NIPAL3: variants seen among roughly 807,000 people sequenced by gnomAD.
NIPAL3 encodes the protein NIPA-like protein 3.
In NIPAL3, 41 loss-of-function variants were observed where a neutral mutation model predicts 47.2. The ratio of observed to expected loss-of-function variants is 0.87; its 90% CI spans 0.68 to 1.13. NIPAL3 has a LOEUF of 1.13. NIPAL3 is among the 50% of genes most tolerant of loss of function. The pLI, the probability that NIPAL3 is intolerant of heterozygous loss-of-function variation, is 0.00. For synonymous variants in NIPAL3, 194 were observed against 209.6 expected, an observed-to-expected ratio of 0.93 and a Z score of 0.64; for missense variants, 449 against 530.1, an observed-to-expected ratio of 0.85 and a Z score of 1.50.
chr1:24,445,730 C>T lies in NIPAL3; in HGVS notation c.394+486C>T, dbSNP rs550706231. Among the ~76,000 whole-genome samples, 55 of 152,270 alleles carry T rather than the reference C, an allele frequency of 3.6e-4. 1 individual carries two copies. Among genetic ancestry groups the T allele is most frequent in the African/African-American group, 1.1e-3 (46 of 41,560 alleles). On this transcript the variant is annotated intron_variant, in intron 5 of 11. Coordinates refer to ENST00000374399, the MANE Select transcript of NIPAL3 (RefSeq NM_020448.5). The stretch of plus-strand genomic sequence containing the variant: ...CTCCAGCTCCCAGTCAGACCTTGGG[C>T]GGGTCCCCCCAAGAAACACTTGGGT...
chr1:24,441,987 G>A (rs1645409741), intron 3 of NIPAL3, 68 bp from the exon 4 acceptor site: 7 of 1,525,176 alleles, frequency 4.6e-6, no homozygotes, highest in Non-Finnish European at 6.3e-6. Flanking sequence ...GTGGATTTAG[G>A]GTACCTACAT....
intron 7 of NIPAL3, chr1:24,453,964 G>C (rs1418559529): frequency 4.6e-6 from 2 of 439,526 alleles, no homozygotes; most frequent in Non-Finnish European, 8.9e-6. Context: ...TCCTTTTAGA[G>C]GGATGGGTGC....
At chr1:24,433,738 T>G (rs1644980463) in intron 2 of NIPAL3, among the ~76,000 whole-genome samples, 1 of 152,190 alleles carries the variant, frequency 6.6e-6, no homozygotes, top group African/African-American at 2.4e-5. Flanking sequence ...AAGGCAGAAT[T>G]CTGTCTACCC....
chr1:24,444,944 T>C lies in NIPAL3; in HGVS notation c.335-241T>C, dbSNP rs191513175. 1.4e-3 allele frequency among the ~76,000 whole-genome samples: 211 copies of C among 152,324 alleles called. 2 individuals are homozygous for C. The highest frequency in any genetic ancestry group is 4.8e-3 in the African/African-American group (198 of 41,572). On this transcript the variant is annotated intron_variant, in intron 4 of 11. Transcript: ENST00000374399. ...CCAGAAATAACTTGTGTAAATTGCC[T>C]GTCACACAGCAGGTACTCAATGCTT...
chr1:24,471,515 A>G lies in NIPAL3; in HGVS notation c.*2330A>G. 6.7e-6 allele frequency: 1 copy of G among 149,788 alleles called. No homozygotes were observed. Among genetic ancestry groups the G allele is most frequent in the Non-Finnish European group, 1.5e-5 (1 of 67,866 alleles). 9.3% of individuals were successfully genotyped at this position (149,788 alleles called of 1,614,324 possible). A position where few individuals can be genotyped will look rare whatever the true frequency, so the allele number is the denominator to read the frequency against. ...AGGATCGCTAGAGCCCAGAGAGCCA[A>G]GGCTACAGTGAGCCATGATCATGCT... On this transcript the variant is annotated 3_prime_UTR_variant, in exon 12 of 12. Transcript: ENST00000374399.
chr1:24,456,217 C>A lies in NIPAL3; in HGVS notation c.717C>A (p.Tyr239Ter), dbSNP rs750206190. 6.2e-7 allele frequency: 1 copy of A among 1,614,216 alleles called. No individual in the cohort carries two copies. Among genetic ancestry groups the A allele is most frequent in the Non-Finnish European group, 8.5e-7 (1 of 1,180,030 alleles). ...LSIQGNLQLD[Y>*]PIFYVMFVCM... is the part of the protein sequence containing the mutation. The stretch of plus-strand genomic sequence containing the variant: ...TTCAAGGGAACCTGCAGCTTGACTA[C>A]CCCATCTTCTACGTGATGTTCGTGT... The change falls in exon 8 of 12, where the codon TAC becomes TAA. Residue 239 changes from tyrosine to a stop codon, truncating the protein, a stop_gained. Coordinates refer to ENST00000374399, the MANE Select transcript of NIPAL3 (RefSeq NM_020448.5). LOFTEE classifies it high-confidence loss of function.
At chr1:24,468,945 C>T (rs1314525434) in intron 11 of NIPAL3, 41 bp from the exon 12 acceptor site, 1 of 1,599,152 alleles carries the variant, frequency 6.3e-7, no homozygotes, top group Non-Finnish European at 8.6e-7. Context: ...CCTTGGCCCC[C>T]TTACCGCGTA....
chr1:24,467,307 C>A (rs1459073128), intron 11 of NIPAL3, among the ~76,000 whole-genome samples: 5 of 147,110 alleles, frequency 3.4e-5, no homozygotes, highest in Non-Finnish European at 3.0e-5. Context: ...ACTAAAAATA[C>A]AAAAAAAAAA....
Position 24,470,220 on chromosome 1 carries a change from C to G in NIPAL3, c.*1035C>G, listed in dbSNP as rs1204692539. ...TATGTCTGGGAGAAGCAAGCATTCT[C>G]CAAAACAGGGCTGTTGCTTTCTTCC... On this transcript the variant is annotated 3_prime_UTR_variant, in exon 12 of 12. Coordinates refer to ENST00000374399, the MANE Select transcript of NIPAL3 (RefSeq NM_020448.5). 1 of 152,210 alleles carries G rather than the reference C, an allele frequency of 6.6e-6. No homozygotes were observed. The highest frequency in any genetic ancestry group is 1.5e-5 in the Non-Finnish European group (1 of 68,062). The allele number at this position is 152,210 out of a possible 1,614,324, so 9.4% of individuals were successfully genotyped here. A position where few individuals can be genotyped will look rare whatever the true frequency, so the allele number is the denominator to read the frequency against.
rs570772916 is a variant in NIPAL3, at chr1:24,444,754, T to TAA, written c.335-430_335-429insAA. The stretch of plus-strand genomic sequence containing the variant: ...CGGGGGAAATGTCAGAGGTGGGTGT[T>TAA]ACAGTGGAAGAAGTAAGAGCCTGGC... On this transcript the variant is annotated intron_variant, in intron 4 of 11. Coordinates refer to ENST00000374399, the MANE Select transcript of NIPAL3 (RefSeq NM_020448.5). Among the ~76,000 whole-genome samples the TAA allele has an allele frequency of 7.2e-5, 11 of 152,148 alleles. No homozygotes were observed. The East Asian group carries it at 2.1e-3, about 29-fold the overall frequency.
rs201235895 is a variant in NIPAL3 at position 24,441,942 on chromosome 1, CT to C, written c.163-112del. On this transcript the variant is annotated intron_variant, in intron 3 of 11. Transcript: ENST00000374399. ...CTCTGAGTCAGGACTCCACAAGAAC[CT>C]GACAAGTCTTCCCAATTTATTTGCA... 1.7e-3 allele frequency: 1,868 copies of C among 1,088,086 alleles called. 40 individuals carry two copies. The African/African-American group carries it at 0.026, about 15-fold the overall frequency. 67.4% of individuals were successfully genotyped at this position (1,088,086 alleles called of 1,614,324 possible).
At chr1:24,439,594 C>T (rs1645282360) in intron 2 of NIPAL3, among the ~76,000 whole-genome samples, 1 of 151,812 alleles carries the variant, frequency 6.6e-6, no homozygotes, top group Non-Finnish European at 1.5e-5. Context: ...TTATTTTTAT[C>T]TATATATATT....
chr1:24,443,146 T>C (rs899113691), intron 4 of NIPAL3, among the ~76,000 whole-genome samples: 2 of 152,150 alleles, frequency 1.3e-5, no homozygotes, highest in African/African-American at 4.8e-5. Context: ...CTGTAATCAC[T>C]GAACCAGTGT....
chr1:24,438,248 C>T (rs1276364148), intron 2 of NIPAL3, among the ~76,000 whole-genome samples: 2 of 152,230 alleles, frequency 1.3e-5, no homozygotes, highest in African/African-American at 4.8e-5. Context: ...TGTCTTGCTG[C>T]TCATCGGGTG....
intron 10 of NIPAL3, among the ~76,000 whole-genome samples, chr1:24,462,460 G>A (rs6688953): frequency 0.083 from 12,572 of 152,208 alleles, 545 homozygotes; most frequent in South Asian, 0.098. Flanking sequence ...TGGGTTCTAC[G>A]CAACAATTAA....
At chr1:24,446,229 T>G (rs866781204) in intron 5 of NIPAL3, among the ~76,000 whole-genome samples, 23 of 152,184 alleles carry the variant, frequency 1.5e-4, no homozygotes, top group South Asian at 2.1e-4. Flanking sequence ...TTTCCTAGAC[T>G]GATCAGGGTC....
chr1:24,421,651 T>A (rs1240802389), intron 2 of NIPAL3, among the ~76,000 whole-genome samples: 1 of 152,208 alleles, frequency 6.6e-6, no homozygotes, highest in Non-Finnish European at 1.5e-5. Flanking sequence ...ACACTAGCAC[T>A]ACACAGTAGG....
At position 24,446,373 on chromosome 1, in the gene NIPAL3, A is replaced by G. The variant is rs185137731; in HGVS notation, c.394+1129A>G. Among the ~76,000 whole-genome samples the G allele has an allele frequency of 6.5e-3, 983 of 152,160 alleles. 6 individuals carry two copies. Among genetic ancestry groups the G allele is most frequent in the Non-Finnish European group, 9.5e-3 (648 of 68,004 alleles). ...TGCTGCACAGATCATCCCATCACCT[A>G]GGTATTAAGCCCAGCATCCATTAGC... On this transcript the variant is annotated intron_variant, in intron 5 of 11. Transcript: ENST00000374399.
In NIPAL3 at chr1:24,454,508, A is replaced by G. The variant is rs896585260; in HGVS notation, c.637+1004A>G. ...CTACCACCGCCACAAGCCATCAACC[A>G]AATAGATACCTGTCACCGAAGACAG... On this transcript the variant is annotated intron_variant, in intron 7 of 11. Coordinates refer to ENST00000374399, the MANE Select transcript of NIPAL3 (RefSeq NM_020448.5). This position sits in a 1 kb window ranked among gnomAD's most constrained non-coding sequence, Gnocchi z 4.1. The G allele has an allele frequency of 8.9e-5, 88 of 990,986 alleles. No homozygotes were observed. Among genetic ancestry groups the G allele is most frequent in the Non-Finnish European group, 1.1e-4 (88 of 833,386 alleles). 61.4% of individuals were successfully genotyped at this position (990,986 alleles called of 1,614,324 possible).
Sources: gnomAD v4.1 joint callset for allele counts (sites outside exome capture counted in the v4.1 genomes callset) on GRCh38, gnomAD v4.1.1 for gene constraint, Gnocchi (gnomAD v3.1) non-coding constraint, MANE v1.5 for transcripts, NCBI Gene and HGNC (gene_info 2026-07-23, HGNC 2026-07-21) for gene names.